The following CDH10 variants were observed in gnomAD, a reference collection of about 807,000 sequenced individuals.
CDH10 encodes cadherin 10.
A neutral mutation model predicts 73.1 loss-of-function variants in CDH10; 30 were observed. That is an observed-to-expected ratio of 0.41 (90% confidence interval 0.31 to 0.56). The LOEUF is 0.56. CDH10 is among the 20% of genes least tolerant of loss of function. The probability of loss-of-function intolerance (pLI) is 0.27; values close to 1 mark genes in which losing one functional copy is unlikely to be tolerated. For synonymous variants in CDH10, 345 were observed against 348.2 expected (o/e 0.99, Z 0.10); for missense variants, 815 against 973.7 (o/e 0.84, Z 2.17).
At chr5:24,516,771 T>C (rs1201378369) in intron 5 of CDH10, among the ~76,000 whole-genome samples, 2 of 151,906 alleles carry the variant, frequency 1.3e-5, no homozygotes, top group Admixed American at 6.6e-5. Context: ...CATCACAGAA[T>C]GTTCCAAGTT....
rs1445691106 is a variant in CDH10 at position 24,590,154 on chromosome 5, G to T, written c.231+3106C>A. 3.3e-5 allele frequency among the ~76,000 whole-genome samples: 5 copies of T among 151,948 alleles called. No individual in the cohort carries two copies. In the East Asian group the frequency reaches 9.7e-4, roughly 29 times the overall value. Reference sequence around the variant, plus strand: ...ACAGGAAAATGCTTCTATTTATGGCGATCTCAACAAATAAATGTTTTGAAT... The same window carrying T: ...ACAGGAAAATGCTTCTATTTATGGCTATCTCAACAAATAAATGTTTTGAAT... On this transcript the variant is annotated intron_variant, in intron 2 of 11. Transcript: ENST00000264463.
At chr5:24,600,208 G>A (rs1037296547) in intron 1 of CDH10, among the ~76,000 whole-genome samples, 6 of 152,046 alleles carry the variant, frequency 3.9e-5, no homozygotes, top group East Asian at 1.9e-4. Context: ...TATAGAATCC[G>A]AAACATGTTA....
At chr5:24,560,255 A>C (rs1484542595) in intron 2 of CDH10, among the ~76,000 whole-genome samples, 1 of 147,212 alleles carries the variant, frequency 6.8e-6, no homozygotes, top group African/African-American at 2.6e-5. Context: ...TGTGTGTTTC[A>C]ACATTCTACA....
intron 1 of CDH10, among the ~76,000 whole-genome samples, chr5:24,619,877 A>T (rs975578542): frequency 6.6e-6 from 1 of 151,956 alleles, no homozygotes; most frequent in Non-Finnish European, 1.5e-5. Context: ...CCGTATACTG[A>T]CTCTGCTCTC....
intron 2 of CDH10, among the ~76,000 whole-genome samples, chr5:24,549,670 G>A (rs1338452830): frequency 1.3e-5 from 2 of 150,928 alleles, no homozygotes; most frequent in African/African-American, 4.9e-5. Flanking sequence ...TCCTGCCTCA[G>A]CCTCCCGAGT....
intron 1 of CDH10, among the ~76,000 whole-genome samples, chr5:24,600,509 C>G (rs1746519798): frequency 6.6e-6 from 1 of 152,096 alleles, no homozygotes; most frequent in Non-Finnish European, 1.5e-5. Context: ...GAAAAGAGCA[C>G]CTAATCCAAA....
chr5:24,545,807 C>T (rs755145238), intron 2 of CDH10, among the ~76,000 whole-genome samples: 6 of 151,006 alleles, frequency 4.0e-5, no homozygotes, highest in Non-Finnish European at 8.8e-5. Context: ...GAGTAGAACT[C>T]TGTCTTCAAA....
intron 2 of CDH10, among the ~76,000 whole-genome samples, chr5:24,547,135 T>C (rs187990900): frequency 2.0e-5 from 3 of 152,334 alleles, no homozygotes; most frequent in Admixed American, 2.0e-4. Context: ...TTTAAAATTT[T>C]TAGTGAACTG....
At chr5:24,505,080 GAT>G (rs1387741715) in intron 8 of CDH10, 30 bp downstream of exon 8, 1 of 1,390,602 alleles carries the variant, frequency 7.2e-7, no homozygotes, top group South Asian at 1.2e-5. Flanking sequence ...AACATATCTA[GAT>G]ATATGTTAGA....
At chr5:24,618,579 T>A (rs756550793) in intron 1 of CDH10, among the ~76,000 whole-genome samples, 8 of 152,238 alleles carry the variant, frequency 5.3e-5, no homozygotes, top group Non-Finnish European at 7.3e-5. Context: ...CTTAATTTTA[T>A]CTGACATAGA....
intron 4 of CDH10, 97 bp downstream of exon 4, chr5:24,535,606 T>C: frequency 1.9e-6 from 2 of 1,069,748 alleles, no homozygotes. Flanking sequence ...CTGTGAGTAT[T>C]AATGTTAAGG....
At chr5:24,544,925 G>C (rs919491989) in intron 2 of CDH10, among the ~76,000 whole-genome samples, 19 of 152,200 alleles carry the variant, frequency 1.2e-4, no homozygotes, top group African/African-American at 4.3e-4. Context: ...CACTTTCACA[G>C]GCATTATCTA....
At chr5:24,508,403 T>C (rs1742774991) in intron 7 of CDH10, among the ~76,000 whole-genome samples, 1 of 152,166 alleles carries the variant, frequency 6.6e-6, no homozygotes, top group African/African-American at 2.4e-5. Context: ...AATGTTCTCA[T>C]ATTTTTTGAA....
chr5:24,555,791 A>G (rs572497426), intron 2 of CDH10, among the ~76,000 whole-genome samples: 78 of 152,288 alleles, frequency 5.1e-4, no homozygotes, highest in African/African-American at 1.8e-3. Context: ...GAAGTGAAAA[A>G]AAGTGAGAAA....
chr5:24,587,342 A>C (rs113305428), intron 2 of CDH10, among the ~76,000 whole-genome samples: 1,832 of 152,254 alleles, frequency 0.012, 43 homozygotes, highest in African/African-American at 0.042. Flanking sequence ...CCTCTCTTTC[A>C]TTTACTTTAT....
At chr5:24,529,557 A>T (rs781120085) in intron 5 of CDH10, among the ~76,000 whole-genome samples, 7 of 152,054 alleles carry the variant, frequency 4.6e-5, no homozygotes, top group Non-Finnish European at 1.0e-4. Flanking sequence ...TCCATGGGAA[A>T]TATATAGTAG....
chr5:24,640,236 T>C (rs957878696), intron 1 of CDH10, among the ~76,000 whole-genome samples: 1 of 150,644 alleles, frequency 6.6e-6, no homozygotes, highest in Non-Finnish European at 1.5e-5. Context: ...TTGTTTTAAA[T>C]GAGGAAGGAG....
chr5:24,636,363 T>TA lies in CDH10; in HGVS notation c.-124+8230dup, dbSNP rs558293969. Among the ~76,000 whole-genome samples the TA allele has an allele frequency of 4.5e-3, 691 of 152,106 alleles. 3 individuals carry two copies. Among genetic ancestry groups the TA allele is most frequent in the Non-Finnish European group, 7.5e-3 (508 of 67,926 alleles). ...TGTCAAAGGACCTTGTGAGAGCACTTACGTTAGGTTGATTGCATTTTCTAA... is the reference window on the plus strand; with the variant it reads ...TGTCAAAGGACCTTGTGAGAGCACTTAACGTTAGGTTGATTGCATTTTCTAA... On this transcript the variant is annotated intron_variant, in intron 1 of 11. Transcript: ENST00000264463.
At chr5:24,625,639 A>G (rs1012277626) in intron 1 of CDH10, among the ~76,000 whole-genome samples, 5 of 149,420 alleles carry the variant, frequency 3.3e-5, no homozygotes, top group Admixed American at 1.3e-4. Flanking sequence ...ATATATGTGT[A>G]TATATATATT....
Sources: gnomAD v4.1 joint callset for allele counts (sites outside exome capture counted in the v4.1 genomes callset) on GRCh38, gnomAD v4.1.1 for gene constraint, MANE v1.5 for transcripts, NCBI Gene and HGNC (gene_info 2026-07-23, HGNC 2026-07-21) for gene names.